WWOX: variants seen among roughly 807,000 people sequenced by gnomAD.
The protein encoded by WWOX is WW domain-containing oxidoreductase.
WWOX carries 69 observed loss-of-function variants against 46.2 expected under a neutral mutation model. That is an observed-to-expected ratio of 1.49 (90% CI 1.23 to 1.82). WWOX has a LOEUF of 1.82. WWOX is among the 40% of genes most tolerant of loss of function. WWOX has a pLI of 0.00. For missense variants in WWOX, 919 were observed against 542.6 expected (o/e 1.69, Z -6.89); for synonymous variants, 359 against 202.6 (o/e 1.77, Z -6.56).
intron 8 of WWOX, among the ~76,000 whole-genome samples, chr16:79,192,392 T>C (rs2051154723): frequency 6.6e-6 from 1 of 152,186 alleles, no homozygotes; most frequent in Non-Finnish European, 1.5e-5. Context: ...CACCCCTGTA[T>C]ACCAGACCCA....
chr16:78,137,915 T>C (rs1272587219), intron 4 of WWOX, among the ~76,000 whole-genome samples: 4 of 150,834 alleles, frequency 2.7e-5, no homozygotes, highest in East Asian at 1.9e-4. Context: ...CTAAATCTTA[T>C]CCATAGTGTG....
At chr16:79,078,903 C>T (rs6564641) in intron 8 of WWOX, among the ~76,000 whole-genome samples, 1 of 152,054 alleles carries the variant, frequency 6.6e-6, no homozygotes, top group African/African-American at 2.4e-5. Context: ...TAAATACTTC[C>T]TTTATTTCCC....
intron 8 of WWOX, among the ~76,000 whole-genome samples, chr16:78,924,783 C>T (rs76819349): frequency 6.6e-6 from 1 of 152,108 alleles, no homozygotes; most frequent in Non-Finnish European, 1.5e-5. Flanking sequence ...TTCTGTAATA[C>T]CTTATAGACA....
chr16:79,098,481 T>G (rs1317307716), intron 8 of WWOX, among the ~76,000 whole-genome samples: 2 of 152,196 alleles, frequency 1.3e-5, no homozygotes, highest in Non-Finnish European at 2.9e-5. Flanking sequence ...GAAAAGAAGG[T>G]CATTGGAATC....
Position 78,554,490 on chromosome 16 carries a change from T to C in WWOX, c.1056+121738T>C, listed in dbSNP as rs148781344. ...GATGGGTTGGTAGAAGTGATAGATA[T>C]AGATACATACATACACATATATGCA... On this transcript the variant is annotated intron_variant, in intron 8 of 8. Coordinates refer to ENST00000566780, the MANE Select transcript of WWOX (RefSeq NM_016373.4). 3.3e-3 allele frequency among the ~76,000 whole-genome samples: 498 copies of C among 152,300 alleles called. 2 individuals are homozygous for C. Among genetic ancestry groups the C allele is most frequent in the Middle Eastern group, 0.031 (9 of 294 alleles).
At chr16:78,611,143 T>C (rs1196212324) in intron 8 of WWOX, among the ~76,000 whole-genome samples, 1 of 152,164 alleles carries the variant, frequency 6.6e-6, no homozygotes, top group Non-Finnish European at 1.5e-5. Flanking sequence ...ATTAGAGATT[T>C]GCTTATTGAA....
intron 8 of WWOX, among the ~76,000 whole-genome samples, chr16:78,466,797 G>C (rs968161606): frequency 2.6e-5 from 4 of 152,042 alleles, no homozygotes; most frequent in African/African-American, 9.7e-5. Context: ...GCAGTGAGCC[G>C]ATATCTCACC....
At chr16:78,695,201 G>C (rs1038196613) in intron 8 of WWOX, among the ~76,000 whole-genome samples, 7 of 152,140 alleles carry the variant, frequency 4.6e-5, no homozygotes, top group Admixed American at 4.6e-4. Context: ...AACCCTGCTA[G>C]TATTAGTTCC....
intron 8 of WWOX, among the ~76,000 whole-genome samples, chr16:78,639,449 G>C (rs772177169): frequency 2.6e-5 from 4 of 152,170 alleles, no homozygotes; most frequent in Non-Finnish European, 5.9e-5. Flanking sequence ...AAGTAAGAGT[G>C]TTTGAGATCC....
chr16:78,511,232 C>G (rs372793503), intron 8 of WWOX, among the ~76,000 whole-genome samples: 2 of 152,184 alleles, frequency 1.3e-5, no homozygotes, highest in African/African-American at 4.8e-5. Flanking sequence ...CCCTCCCCAG[C>G]GCACACATCA....
chr16:78,494,386 A>C (rs1047508220), intron 8 of WWOX, among the ~76,000 whole-genome samples: 2 of 152,204 alleles, frequency 1.3e-5, no homozygotes, highest in Non-Finnish European at 2.9e-5. Flanking sequence ...GAAGGTAAAA[A>C]AGTTGGCAAC....
intron 8 of WWOX, among the ~76,000 whole-genome samples, chr16:78,461,637 C>T (rs575626084): frequency 6.6e-6 from 1 of 152,302 alleles, no homozygotes; most frequent in South Asian, 2.1e-4. Context: ...CACAGACATG[C>T]ACAGCTCAAA....
chr16:78,755,299 C>G (rs1045167720), intron 8 of WWOX, among the ~76,000 whole-genome samples: 1 of 151,418 alleles, frequency 6.6e-6, no homozygotes, highest in African/African-American at 2.4e-5. Context: ...GGATTTAATT[C>G]CAGGAATTGG....
chr16:79,194,944 T>C (rs1199896342), intron 8 of WWOX, among the ~76,000 whole-genome samples: 1 of 152,112 alleles, frequency 6.6e-6, no homozygotes, highest in African/African-American at 2.4e-5. Context: ...CAGAATGAGA[T>C]GAGTAGATGC....
At chr16:78,476,189 C>G (rs1247570779) in intron 8 of WWOX, among the ~76,000 whole-genome samples, 2 of 152,142 alleles carry the variant, frequency 1.3e-5, no homozygotes, top group Admixed American at 6.5e-5. Flanking sequence ...GATGGTATCT[C>G]ATTGTGGTTT....
chr16:78,724,480 T>C (rs1364219647), intron 8 of WWOX, among the ~76,000 whole-genome samples: 1 of 152,222 alleles, frequency 6.6e-6, no homozygotes, highest in Admixed American at 6.5e-5. Flanking sequence ...ATTATCATTA[T>C]AATAAATGTT....
chr16:78,117,055 G>A (rs1335262880), intron 4 of WWOX, among the ~76,000 whole-genome samples: 1 of 152,202 alleles, frequency 6.6e-6, no homozygotes, highest in Non-Finnish European at 1.5e-5. Context: ...TGATGGAGAG[G>A]AGGAGATTCT....
At chr16:78,100,083 G>C (rs2031659256) in intron 1 of WWOX, 198 bp downstream of exon 1, 2 of 1,384,934 alleles carry the variant, frequency 1.4e-6, no homozygotes, top group African/African-American at 1.5e-5. Context: ...GTCCAGCGGG[G>C]GTCACCTGGT....
At position 78,549,939 on chromosome 16, in the gene WWOX, A is replaced by C. The variant is rs575359462; in HGVS notation, c.1056+117187A>C. Among the ~76,000 whole-genome samples the C allele has an allele frequency of 2.7e-4, 41 of 152,294 alleles. 1 individual carries two copies. Among genetic ancestry groups the C allele is most frequent in the African/African-American group, 9.6e-4 (40 of 41,562 alleles). On this transcript the variant is annotated intron_variant, in intron 8 of 8. Transcript: ENST00000566780. The stretch of plus-strand genomic sequence containing the variant: ...TTGACTGAGAAAAAAGAAAGAAAAA[A>C]AAGAAAAGTCAGGAGAGGAGGACTG...
Sources: allele counts gnomAD v4.1 joint callset (sites outside exome capture counted in the v4.1 genomes callset), GRCh38; gene constraint gnomAD v4.1.1; transcripts MANE v1.5; gene names NCBI Gene and HGNC (gene_info 2026-07-23, HGNC 2026-07-21).